Variants in DLG2 observed in about 807,000 individuals in gnomAD.
DLG2 encodes the protein disks large homolog 2.
In DLG2, 45 loss-of-function variants were observed where a neutral mutation model predicts 132.5. The ratio of observed to expected loss-of-function variants is 0.34; its 90% CI spans 0.27 to 0.44. The LOEUF is 0.44. DLG2 is among the 20% of genes least tolerant of loss of function. DLG2 has a pLI of 1.00. For missense variants in DLG2, 1,045 were observed against 1,196.9 expected, an observed-to-expected ratio of 0.87 and a Z score of 1.87; for synonymous variants, 424 against 419.6, an observed-to-expected ratio of 1.01 and a Z score of -0.13.
At chr11:83,670,977 T>G (rs1047816664) in intron 18 of DLG2, among the ~76,000 whole-genome samples, 4 of 152,202 alleles carry the variant, frequency 2.6e-5, no homozygotes, top group Non-Finnish European at 5.9e-5. Flanking sequence ...TGAATACATA[T>G]ATAGATGTAT....
intron 6 of DLG2, among the ~76,000 whole-genome samples, chr11:84,607,220 A>G (rs2099587432): frequency 6.6e-6 from 1 of 152,162 alleles, no homozygotes; most frequent in South Asian, 2.1e-4. Context: ...ACTATAATTC[A>G]AGTGATTTAC....
intron 22 of DLG2, chr11:83,480,568 A>T (rs188713012): frequency 1.3e-6 from 2 of 1,545,424 alleles, no homozygotes; most frequent in African/African-American, 2.7e-5. Flanking sequence ...GATAAGATAA[A>T]GAAGATGAAA....
intron 1 of DLG2, among the ~76,000 whole-genome samples, chr11:85,627,010 ATTACT>A (rs1439508400): frequency 2.6e-5 from 4 of 152,204 alleles, no homozygotes; most frequent in Admixed American, 6.5e-5. Flanking sequence ...GACAGGTCTC[ATTACT>A]TTATACATGG....
intron 6 of DLG2, among the ~76,000 whole-genome samples, chr11:85,030,027 T>G (rs1000569773): frequency 8.5e-5 from 13 of 152,210 alleles, no homozygotes; most frequent in African/African-American, 3.1e-4. Flanking sequence ...TATGTCACTT[T>G]CCTTCTTCTG....
At chr11:85,283,301 T>C (rs1458778892) in intron 4 of DLG2, among the ~76,000 whole-genome samples, 1 of 151,428 alleles carries the variant, frequency 6.6e-6, no homozygotes, top group Admixed American at 6.6e-5. Flanking sequence ...AAATCAAAAA[T>C]ATCAAGGCAA....
chr11:83,564,890 T>A (rs765181059), intron 19 of DLG2, among the ~76,000 whole-genome samples: 11 of 152,192 alleles, frequency 7.2e-5, no homozygotes, highest in Non-Finnish European at 1.5e-4. Flanking sequence ...GGAAGGGGAT[T>A]TGCAAATATC....
At chr11:85,209,222 C>G (rs1349128629) in intron 4 of DLG2, among the ~76,000 whole-genome samples, 1 of 152,106 alleles carries the variant, frequency 6.6e-6, no homozygotes, top group African/African-American at 2.4e-5. Context: ...TACCTTAGCA[C>G]TGAATACAAA....
intron 7 of DLG2, among the ~76,000 whole-genome samples, chr11:84,367,875 AAG>A (rs1477320376): frequency 6.6e-6 from 1 of 152,166 alleles, no homozygotes; most frequent in Non-Finnish European, 1.5e-5. Flanking sequence ...AAAATGGACT[AAG>A]ACACTGTGTT....
intron 9 of DLG2, among the ~76,000 whole-genome samples, chr11:84,141,940 CT>C (rs1237057421): frequency 6.6e-6 from 1 of 152,016 alleles, no homozygotes; most frequent in East Asian, 1.9e-4. Flanking sequence ...GTATATTTAA[CT>C]TTTTTGTTGG....
chr11:85,361,683 A>G (rs910398222), intron 3 of DLG2, among the ~76,000 whole-genome samples: 42 of 152,202 alleles, frequency 2.8e-4, no homozygotes, highest in African/African-American at 9.2e-4. Flanking sequence ...ATGTGCGTAT[A>G]TACGCTGTTT....
chr11:84,637,820 A>G (rs2099643391), intron 6 of DLG2, among the ~76,000 whole-genome samples: 1 of 152,216 alleles, frequency 6.6e-6, no homozygotes, highest in African/African-American at 2.4e-5. Flanking sequence ...TCTTCAAAAC[A>G]TGACACCCTG....
intron 6 of DLG2, among the ~76,000 whole-genome samples, chr11:84,753,012 G>T (rs935061309): frequency 2.6e-5 from 4 of 152,038 alleles, no homozygotes; most frequent in African/African-American, 9.7e-5. Flanking sequence ...ACTCAAAGAG[G>T]TCTTTTTCAG....
intron 6 of DLG2, among the ~76,000 whole-genome samples, chr11:84,914,442 T>A (rs994447866): frequency 3.3e-5 from 5 of 152,238 alleles, no homozygotes; most frequent in Non-Finnish European, 7.3e-5. Flanking sequence ...AGTGCAGATA[T>A]TAGCAAATAG....
chr11:85,308,903 T>C (rs982840757), intron 3 of DLG2, among the ~76,000 whole-genome samples: 1 of 152,146 alleles, frequency 6.6e-6, no homozygotes, highest in African/African-American at 2.4e-5. Flanking sequence ...GTTATTATTT[T>C]CCCTATGGTG....
intron 4 of DLG2, among the ~76,000 whole-genome samples, chr11:85,274,085 T>C (rs2077724863): frequency 1.3e-5 from 2 of 150,664 alleles, no homozygotes; most frequent in Admixed American, 6.7e-5. Context: ...GTGGGGAACA[T>C]CACACACTGC....
At chr11:84,809,361 T>C (rs1274829089) in intron 6 of DLG2, among the ~76,000 whole-genome samples, 1 of 151,918 alleles carries the variant, frequency 6.6e-6, no homozygotes, top group Non-Finnish European at 1.5e-5. Context: ...TTTTGTACTA[T>C]GATTAGGAGC....
intron 6 of DLG2, among the ~76,000 whole-genome samples, chr11:85,025,426 A>G (rs765529691): frequency 6.6e-6 from 1 of 152,220 alleles, no homozygotes; most frequent in Non-Finnish European, 1.5e-5. Flanking sequence ...TCATATATTA[A>G]TAGATGCTAA....
chr11:85,089,030 G>C (rs1195673514), intron 6 of DLG2, among the ~76,000 whole-genome samples: 1 of 152,206 alleles, frequency 6.6e-6, no homozygotes. Context: ...TATAAACTAT[G>C]CTGTGAGTGT....
intron 12 of DLG2, among the ~76,000 whole-genome samples, chr11:83,979,845 A>C (rs902249336): frequency 5.9e-5 from 9 of 152,204 alleles, no homozygotes; most frequent in Non-Finnish European, 8.8e-5. Flanking sequence ...CCTCTCCAGC[A>C]GTCTATAAAT....
Sources: allele counts gnomAD v4.1 joint callset (sites outside exome capture counted in the v4.1 genomes callset), GRCh38; gene constraint gnomAD v4.1.1; transcripts MANE v1.5; gene names NCBI Gene and HGNC (gene_info 2026-07-23, HGNC 2026-07-21).